KIF20B: variants seen among roughly 807,000 people sequenced by gnomAD.
KIF20B encodes the protein kinesin-like protein KIF20B.
In KIF20B, 188 loss-of-function variants were observed where a neutral mutation model predicts 232.5. The observed-to-expected ratio is 0.81, with a 90% CI of 0.72 to 0.91. The LOEUF (loss-of-function observed/expected upper bound fraction) is 0.91, where lower values mean the gene tolerates loss of function less well. KIF20B is among the 40% of genes least tolerant of loss of function. The probability of loss-of-function intolerance (pLI) is 0.00; values close to 1 mark genes in which losing one functional copy is unlikely to be tolerated. For synonymous variants in KIF20B, 712 were observed against 683.0 expected (o/e 1.04, Z -0.66); for missense variants, 2,154 against 2,055.9 (o/e 1.05, Z -0.92).
intron 8 of KIF20B, among the ~76,000 whole-genome samples, chr10:89,715,421 G>A (rs1842916790): frequency 6.6e-6 from 1 of 150,538 alleles, no homozygotes; most frequent in Non-Finnish European, 1.5e-5. Flanking sequence ...TTGTGGTGAT[G>A]GGAAAAGCTG....
At chr10:89,704,680 C>G (rs528367146) in intron 1 of KIF20B, among the ~76,000 whole-genome samples, 41 of 152,138 alleles carry the variant, frequency 2.7e-4, no homozygotes, top group African/African-American at 8.4e-4. Context: ...TTCAGCCTCC[C>G]GAGTAGCTGG....
At chr10:89,772,273 C>T (rs1212107288) in intron 31 of KIF20B, among the ~76,000 whole-genome samples, 1 of 152,036 alleles carries the variant, frequency 6.6e-6, no homozygotes, top group African/African-American at 2.4e-5. Context: ...TATTTTCATG[C>T]AGCATTCATT....
At chr10:89,728,304 T>C (rs1320417970) in intron 17 of KIF20B, among the ~76,000 whole-genome samples, 1 of 152,044 alleles carries the variant, frequency 6.6e-6, no homozygotes, top group Admixed American at 6.5e-5. Context: ...AAATAGAAAA[T>C]AAAAAATTTC....
Position 89,745,955 on chromosome 10 carries a change from C to A in KIF20B, c.4092C>A (p.Cys1364Ter). The stretch of plus-strand genomic sequence containing the variant: ...CTATACAACAGTATGAGAGAGCATG[C>A]AAAGGTCAGGAACAAGTTTGTACTT... ...EEAIQQYERACKDLNVKEKII... is the reference protein window; with the variant it reads ...EEAIQQYERA Residue 1364 changes from cysteine to a stop codon, truncating the protein, a stop_gained, in exon 23 of 33, where the codon TGC becomes TGA. Coordinates refer to ENST00000371728, the MANE Select transcript of KIF20B (RefSeq NM_001284259.2). LOFTEE classifies it high-confidence loss of function. The A allele has an allele frequency of 6.2e-7, 1 of 1,609,438 alleles. No individual in the cohort carries two copies. Among genetic ancestry groups the A allele is most frequent in the Non-Finnish European group, 8.5e-7 (1 of 1,175,854 alleles).
At chr10:89,746,022 C>G in intron 23 of KIF20B, 63 bp downstream of exon 23, 3 of 1,168,830 alleles carry the variant, frequency 2.6e-6, no homozygotes, top group Non-Finnish European at 3.8e-6. Context: ...GCAGGGCATG[C>G]GATGGGGGTA....
At position 89,763,160 on chromosome 10, in the gene KIF20B, A is replaced by G. The variant is rs181311818; in HGVS notation, c.4989+325A>G. ...GCCAGGAGTGGTGGTGCACACCTCT[A>G]ATCTCAGCTACTCAGGAGGCTGAGG... On this transcript the variant is annotated intron_variant, in intron 29 of 32. Transcript: ENST00000371728. Among the ~76,000 whole-genome samples, 27 of 152,250 alleles carry G rather than the reference A, an allele frequency of 1.8e-4. 1 individual carries two copies. The East Asian group carries it at 5.2e-3, about 29-fold the overall frequency.
intron 31 of KIF20B, among the ~76,000 whole-genome samples, chr10:89,771,934 G>A (rs1048267739): frequency 6.6e-6 from 1 of 151,992 alleles, no homozygotes; most frequent in East Asian, 1.9e-4. Context: ...TTTCATTTTG[G>A]CTTGTTGTCT....
chr10:89,731,796 G>C (rs566901644), intron 18 of KIF20B, among the ~76,000 whole-genome samples: 2 of 152,264 alleles, frequency 1.3e-5, no homozygotes, highest in South Asian at 4.1e-4. Context: ...GTGACACTAA[G>C]GGACTAATTG....
Position 89,726,464 on chromosome 10 carries a change from G to T in KIF20B, c.2173G>T (p.Ala725Ser). ...GTTTAATCAAATTAAAGCTGAATTAGCTAAAACCAAAGGAGAATTAATCAA... is the reference window on the plus strand; with the variant it reads ...GTTTAATCAAATTAAAGCTGAATTATCTAAAACCAAAGGAGAATTAATCAA... ...LKFNQIKAEL[A>S]KTKGELIKTK... The change falls in exon 16 of 33, where the codon GCT (alanine) becomes TCT (serine). Residue 725 changes from alanine to serine, a missense_variant. Physicochemically the swap from Ala to Ser is moderately conservative, Grantham distance 99 (BLOSUM62 1). Transcript: ENST00000371728. 1 of 1,607,894 alleles carries T rather than the reference G, an allele frequency of 6.2e-7. No individual in the cohort carries two copies. Among genetic ancestry groups the T allele is most frequent in the Non-Finnish European group, 8.5e-7 (1 of 1,176,682 alleles).
chr10:89,709,818 ATTTTAAGAATGAAT>A, intron 4 of KIF20B, 95 bp from the exon 5 acceptor site: 1 of 848,472 alleles, frequency 1.2e-6, no homozygotes, highest in South Asian at 3.5e-5. Context: ...TGTGGCACCT[ATTTTAAGAATGAAT>A]CTTTTAAATT....
chr10:89,737,926 T>C lies in KIF20B; in HGVS notation c.3085T>C (p.Leu1029=), dbSNP rs201663483. ...TTTGCCAAATACACAGTTAGACCTT[T>C]TAGGTAATGATTATTTGGTAAGTAA... ...DNLPNTQLDL[L]GNDYLVSKQV... Residue 1029 remains leucine, a synonymous_variant, in exon 20 of 33, where the codon TTA becomes CTA. Transcript: ENST00000371728. 3.7e-6 allele frequency: 6 copies of C among 1,613,348 alleles called. No individual in the cohort carries two copies. Among genetic ancestry groups the C allele is most frequent in the East Asian group, 2.2e-5 (1 of 44,814 alleles).
chr10:89,724,159 G>GTT (rs201777411), intron 14 of KIF20B, 56 bp downstream of exon 14: 953 of 1,050,632 alleles, frequency 9.1e-4, no homozygotes, highest in East Asian at 5.5e-3. Context: ...TAGTTTTTTA[G>GTT]TTTTTTTTTT....
chr10:89,704,340 T>A (rs1295930847), intron 1 of KIF20B, among the ~76,000 whole-genome samples: 1 of 152,184 alleles, frequency 6.6e-6, no homozygotes, highest in Non-Finnish European at 1.5e-5. Context: ...TCAGTAAATA[T>A]TAGAATGTTA....
intron 28 of KIF20B, 146 bp from the exon 29 acceptor site, chr10:89,762,492 C>T: frequency 3.3e-6 from 2 of 612,944 alleles, no homozygotes; most frequent in Non-Finnish European, 5.7e-6. Flanking sequence ...GATGATTGCT[C>T]AATCTTTCTG....
In KIF20B at chr10:89,719,527, G is replaced by C; in HGVS notation, c.1543G>C (p.Val515Leu). The change falls in exon 13 of 33, where the codon GTA becomes CTA. Residue 515 changes from valine (V) to leucine (L), a missense_variant. Transcript: ENST00000371728. ...DSNSNSKILNVKRATISWENS... is the reference protein window; with the variant it reads ...DSNSNSKILNLKRATISWENS... ...TAATTCAAACAGTAAAATATTAAATGTAAAAAGAGCCACCATTTCATGGGA... is the reference window on the plus strand; with the variant it reads ...TAATTCAAACAGTAAAATATTAAATCTAAAAAGAGCCACCATTTCATGGGA... The C allele has an allele frequency of 6.2e-7, 1 of 1,612,532 alleles. No homozygotes were observed. Among genetic ancestry groups the C allele is most frequent in the Non-Finnish European group, 8.5e-7 (1 of 1,178,858 alleles).
At chr10:89,768,204 T>G in intron 29 of KIF20B, 86 bp from the exon 30 acceptor site, 2 of 835,682 alleles carry the variant, frequency 2.4e-6, no homozygotes, top group Non-Finnish European at 1.9e-6. Context: ...AGTGATAATG[T>G]AGCTTTTTAC....
At chr10:89,763,399 T>C (rs1368270430) in intron 29 of KIF20B, among the ~76,000 whole-genome samples, 3 of 152,238 alleles carry the variant, frequency 2.0e-5, no homozygotes, top group Non-Finnish European at 4.4e-5. Context: ...TGGATTTTAC[T>C]GGAGAGCCAT....
At chr10:89,704,393 T>C (rs1230499363) in intron 1 of KIF20B, among the ~76,000 whole-genome samples, 3 of 152,202 alleles carry the variant, frequency 2.0e-5, no homozygotes, top group African/African-American at 7.2e-5. Flanking sequence ...CCTTTTAGTT[T>C]AGTGATTTGA....
chr10:89,708,979 G>A (rs1016834502), intron 2 of KIF20B, among the ~76,000 whole-genome samples, 188 bp from the exon 3 acceptor site: 1 of 152,012 alleles, frequency 6.6e-6, no homozygotes, highest in African/African-American at 2.4e-5. Context: ...ATCTTTTTTG[G>A]TGTATTTTGT....
Sources: gnomAD v4.1 joint callset for allele counts (sites outside exome capture counted in the v4.1 genomes callset) on GRCh38, gnomAD v4.1.1 for gene constraint, MANE v1.5 for transcripts, NCBI Gene and HGNC (gene_info 2026-07-23, HGNC 2026-07-21) for gene names.